Variants in LHX9 observed in about 807,000 individuals in gnomAD.
LHX9 encodes the protein LIM/homeobox protein Lhx9.
Under a neutral mutation model 36.5 loss-of-function variants are expected in LHX9, and 9 were observed. The ratio of observed to expected loss-of-function variants is 0.25; its 90% CI spans 0.15 to 0.43. The LOEUF is 0.43. Ranked by LOEUF, LHX9 falls within the 20% of genes least tolerant of loss-of-function variation. The probability of loss-of-function intolerance (pLI) is 1.00; values close to 1 mark genes in which losing one functional copy is unlikely to be tolerated. For missense variants in LHX9, 464 were observed against 526.4 expected, an observed-to-expected ratio of 0.88 and a Z score of 1.16; for synonymous variants, 211 against 212.1, an observed-to-expected ratio of 0.99 and a Z score of 0.04.
chr1:197,923,630 G>A (rs1291245741), intron 3 of LHX9, among the ~76,000 whole-genome samples: 1 of 152,106 alleles, frequency 6.6e-6, no homozygotes, highest in Non-Finnish European at 1.5e-5. Flanking sequence ...TAGTAGGCAA[G>A]CCTGACTTTT....
intron 2 of LHX9, among the ~76,000 whole-genome samples, chr1:197,920,646 C>T (rs941258853): frequency 6.6e-6 from 1 of 152,106 alleles, no homozygotes; most frequent in Non-Finnish European, 1.5e-5. Flanking sequence ...ATGCCATTGC[C>T]AAAACCCAAG....
At chr1:197,916,672 C>T (rs1256986615), upstream of LHX9, 1 of 702,942 alleles carries the variant, frequency 1.4e-6, no homozygotes, top group Non-Finnish European at 2.6e-6. Flanking sequence ...AAAAGTAACC[C>T]TGAGAAATGC....
chr1:197,921,985 C>T lies in LHX9; in HGVS notation c.733+326C>T, dbSNP rs16842123. On this transcript the variant is annotated intron_variant, in intron 3 of 4. Coordinates refer to ENST00000367387, the MANE Select transcript of LHX9 (RefSeq NM_020204.3). The surrounding 1 kb of genome is among the most constrained non-coding windows in gnomAD (Gnocchi z 4.6). ...TTTCTGGCTCTCAGTTGGAGCAAAA[C>T]AGCCCCAGGGCAATTTCTTTGTGGA... 0.031 allele frequency among the ~76,000 whole-genome samples: 4,766 copies of T among 151,994 alleles called. 270 individuals are homozygous for T. The highest frequency in any genetic ancestry group is 0.11 in the African/African-American group (4,534 of 41,436).
intron 3 of LHX9, among the ~76,000 whole-genome samples, chr1:197,925,509 C>T (rs1326575437): frequency 8.4e-6 from 1 of 119,008 alleles, no homozygotes; most frequent in Non-Finnish European, 1.8e-5. Context: ...CCTCCGATGA[C>T]TAACATGTGC....
Position 197,930,560 on chromosome 1 carries a change from AT to A in LHX9, c.*1303del, listed in dbSNP as rs1660302836. 1 of 152,026 alleles carries A rather than the reference AT, an allele frequency of 6.6e-6. No individual in the cohort carries two copies. Among genetic ancestry groups the A allele is most frequent in the African/African-American group, 2.4e-5 (1 of 41,442 alleles). The allele number at this position is 152,026 out of a possible 1,614,324, so 9.4% of individuals were successfully genotyped here. On this transcript the variant is annotated 3_prime_UTR_variant, in exon 5 of 5. Transcript: ENST00000367387. ...CAAGATATATGTCTTGCTTTAGTGG[AT>A]TGTTAAGAATAACTTTGCACATATT...
At chr1:197,925,137 C>G (rs1660104316) in intron 3 of LHX9, among the ~76,000 whole-genome samples, 1 of 148,492 alleles carries the variant, frequency 6.7e-6, no homozygotes, top group Non-Finnish European at 1.5e-5. Flanking sequence ...TATCTCCTTA[C>G]ATATTGGATT....
intron 4 of LHX9, 69 bp from the exon 5 acceptor site, chr1:197,928,933 A>G (rs574805551): frequency 3.1e-5 from 44 of 1,419,734 alleles, no homozygotes; most frequent in Non-Finnish European, 4.0e-5. Flanking sequence ...AAAAAGAAAA[A>G]GTGAGAGAGA....
intron 4 of LHX9, among the ~76,000 whole-genome samples, chr1:197,928,516 A>G (rs34095703): frequency 0.22 from 32,723 of 152,012 alleles, 3,737 homozygotes; most frequent in South Asian, 0.34. Context: ...AGTTTTTTCT[A>G]TGTGAAGAAT....
chr1:197,927,533 T>C (rs188392601), intron 3 of LHX9, 58 bp from the exon 4 acceptor site: 1 of 1,427,422 alleles, frequency 7.0e-7, no homozygotes, highest in East Asian at 2.3e-5. Context: ...CCTGCCATCA[T>C]GTCAGCTAAT....
In LHX9 at chr1:197,927,658, C is replaced by G. The variant is rs1485321305; in HGVS notation, c.801C>G (p.Thr267=). The G allele has an allele frequency of 6.2e-7, 1 of 1,614,150 alleles. No individual in the cohort carries two copies. Among genetic ancestry groups the G allele is most frequent in the South Asian group, 1.1e-5 (1 of 91,078 alleles). The change falls in exon 4 of 5, where the codon ACC becomes ACG. Residue 267 remains threonine, a synonymous_variant. Coordinates refer to ENST00000367387, the MANE Select transcript of LHX9 (RefSeq NM_020204.3). ...AGCCTTATCCACCCTCGCAGAAGAC[C>G]AAGCGCATGCGAACCTCTTTCAAGC... ...DQQPYPPSQK[T]KRMRTSFKHH...
At position 197,929,959 on chromosome 1, in the gene LHX9, G is replaced by GA. The variant is rs1385914054; in HGVS notation, c.*705dup. 1 of 984,354 alleles carries GA rather than the reference G, an allele frequency of 1.0e-6. No individual in the cohort carries two copies. Among genetic ancestry groups the GA allele is most frequent in the Non-Finnish European group, 1.2e-6 (1 of 828,950 alleles). 61.0% of individuals were successfully genotyped at this position (984,354 alleles called of 1,614,324 possible). On this transcript the variant is annotated 3_prime_UTR_variant, in exon 5 of 5. Transcript: ENST00000367387. ...CTTGGTTATTTGTTTTTCAACATTT[G>GA]AAAAATACTTAAGCTCCCTATGTAT...
At chr1:197,912,481 T>C, upstream of LHX9, 1 of 1,608,730 alleles carries the variant, frequency 6.2e-7, no homozygotes, top group Non-Finnish European at 8.5e-7. Context: ...CCGGCTTTTC[T>C]CTGCCAGTGC....
chr1:197,914,401 A>T (rs947695734), upstream of LHX9, among the ~76,000 whole-genome samples: 9 of 148,716 alleles, frequency 6.1e-5, no homozygotes, highest in Admixed American at 1.3e-4. Context: ...AAGGGGGAAC[A>T]TTTTTTTTTT....
chr1:197,930,147 T>C lies in LHX9; in HGVS notation c.*888T>C, dbSNP rs1005160739. ...AAGTAAAAAAATCAATATAATTTAA[T>C]TAATAGCTCTATTAATTGGCTTCAG... On this transcript the variant is annotated 3_prime_UTR_variant, in exon 5 of 5. Transcript: ENST00000367387. 2.6e-6 allele frequency: 2 copies of C among 765,430 alleles called. No homozygotes were observed. The highest frequency in any genetic ancestry group is 3.8e-5 in the African/African-American group (2 of 52,934). 47.4% of individuals were successfully genotyped at this position (765,430 alleles called of 1,614,324 possible).
chr1:197,924,121 G>C (rs1413426930), intron 3 of LHX9, among the ~76,000 whole-genome samples: 1 of 152,146 alleles, frequency 6.6e-6, no homozygotes, highest in Non-Finnish European at 1.5e-5. Context: ...ATGCCACTTT[G>C]TTCCAAAACT....
chr1:197,923,248 C>T (rs936585446), intron 3 of LHX9, among the ~76,000 whole-genome samples: 19 of 152,230 alleles, frequency 1.2e-4, no homozygotes, highest in Admixed American at 5.2e-4. Context: ...TCACCAGGGT[C>T]GGTCAATCTG....
At chr1:197,912,699 C>A (rs908836861), upstream of LHX9, 3 of 891,462 alleles carry the variant, frequency 3.4e-6, no homozygotes, top group African/African-American at 3.3e-5. Context: ...AATTAAACCG[C>A]GCTTCGTAGG....
At chr1:197,923,614 G>A (rs1232998233) in intron 3 of LHX9, among the ~76,000 whole-genome samples, 1 of 152,036 alleles carries the variant, frequency 6.6e-6, no homozygotes, top group Non-Finnish European at 1.5e-5. Flanking sequence ...AAGATTTCTA[G>A]CCAAATAGTA....
chr1:197,915,414 C>G (rs1380197692), upstream of LHX9, among the ~76,000 whole-genome samples: 1 of 152,200 alleles, frequency 6.6e-6, no homozygotes, highest in African/African-American at 2.4e-5. Context: ...CTGCTGCCCC[C>G]AGCCCCTCCT....
Sources: allele counts gnomAD v4.1 joint callset (sites outside exome capture counted in the v4.1 genomes callset), GRCh38; gene constraint gnomAD v4.1.1; non-coding constraint Gnocchi (gnomAD v3.1); transcripts MANE v1.5; gene names NCBI Gene and HGNC (gene_info 2026-07-23, HGNC 2026-07-21).